The following CTNND2 variants were observed in gnomAD, a reference collection of about 807,000 sequenced individuals.
CTNND2 encodes catenin delta-2.
CTNND2 carries 22 observed loss-of-function variants against 144.4 expected under a neutral mutation model. The ratio of observed to expected loss-of-function variants is 0.15; its 90% confidence interval spans 0.11 to 0.22. CTNND2 has a LOEUF of 0.22. Among genes scored for constraint, CTNND2 ranks in the 10% least tolerant of loss-of-function variants. CTNND2 has a pLI of 1.00. For synonymous variants in CTNND2, 751 were observed against 695.6 expected (o/e 1.08, Z -1.25); for missense variants, 1,353 against 1,618.8 (o/e 0.84, Z 2.82).
chr5:11,100,100 G>T (rs925185548), intron 14 of CTNND2, among the ~76,000 whole-genome samples: 2 of 152,038 alleles, frequency 1.3e-5, no homozygotes, highest in African/African-American at 2.4e-5. Context: ...TTTTATCCTT[G>T]CAACATAAAA....
chr5:11,136,911 C>A (rs1756209506), intron 12 of CTNND2, among the ~76,000 whole-genome samples: 1 of 152,208 alleles, frequency 6.6e-6, no homozygotes, highest in South Asian at 2.1e-4. Flanking sequence ...TTCCCTGATC[C>A]CCTGACCAGG....
At chr5:11,797,581 C>T (rs987261458) in intron 1 of CTNND2, among the ~76,000 whole-genome samples, 3 of 152,134 alleles carry the variant, frequency 2.0e-5, no homozygotes, top group Non-Finnish European at 4.4e-5. Context: ...AAGCTCCCAT[C>T]GTCCTCATTA....
intron 20 of CTNND2, among the ~76,000 whole-genome samples, chr5:10,982,470 C>G (rs1435378394): frequency 6.6e-6 from 1 of 152,232 alleles, no homozygotes; most frequent in East Asian, 1.9e-4. Flanking sequence ...TTGCCAGCAG[C>G]TTCTGAAGGC....
chr5:11,051,650 A>G (rs1308160137), intron 16 of CTNND2, among the ~76,000 whole-genome samples: 13 of 152,204 alleles, frequency 8.5e-5, no homozygotes, highest in Admixed American at 8.5e-4. Flanking sequence ...CATTTCCTCT[A>G]ATTTTTAGAA....
At chr5:11,239,032 G>A (rs62338524) in intron 9 of CTNND2, among the ~76,000 whole-genome samples, 27 of 152,300 alleles carry the variant, frequency 1.8e-4, no homozygotes, top group East Asian at 1.7e-3. Context: ...AAATTAATTC[G>A]AAATCTACTA....
At chr5:11,193,270 T>A (rs1227561013) in intron 11 of CTNND2, among the ~76,000 whole-genome samples, 1 of 152,238 alleles carries the variant, frequency 6.6e-6, no homozygotes, top group Non-Finnish European at 1.5e-5. Flanking sequence ...TCTTTGACTT[T>A]AATTCCTTTG....
chr5:11,437,559 G>A (rs1763879316), intron 3 of CTNND2, among the ~76,000 whole-genome samples: 1 of 152,200 alleles, frequency 6.6e-6, no homozygotes, highest in Non-Finnish European at 1.5e-5. Context: ...ACTGAGGGGA[G>A]TAAATAAGGG....
At chr5:11,472,910 C>T (rs984517326) in intron 3 of CTNND2, among the ~76,000 whole-genome samples, 6 of 152,068 alleles carry the variant, frequency 3.9e-5, no homozygotes, top group Non-Finnish European at 7.4e-5. Flanking sequence ...AGCAGTGTCA[C>T]CTGTCTTCAA....
At chr5:11,113,459 G>A (rs886673294) in intron 13 of CTNND2, among the ~76,000 whole-genome samples, 1 of 152,084 alleles carries the variant, frequency 6.6e-6, no homozygotes, top group Admixed American at 6.5e-5. Flanking sequence ...AGACAGTATG[G>A]CCCGCAACAC....
intron 3 of CTNND2, among the ~76,000 whole-genome samples, chr5:11,427,714 T>A (rs985867742): frequency 1.3e-5 from 2 of 152,136 alleles, no homozygotes; most frequent in Admixed American, 6.5e-5. Context: ...CAGGCACACA[T>A]AGGATATCAA....
intron 13 of CTNND2, among the ~76,000 whole-genome samples, chr5:11,116,156 A>T (rs1181595487): frequency 6.6e-6 from 1 of 152,180 alleles, no homozygotes; most frequent in Admixed American, 6.5e-5. Context: ...GTGCAGATGT[A>T]TTTACATGAA....
chr5:11,380,536 A>G (rs1473090557), intron 7 of CTNND2, among the ~76,000 whole-genome samples: 1 of 152,168 alleles, frequency 6.6e-6, no homozygotes, highest in Non-Finnish European at 1.5e-5. Context: ...TTGGCTTTCC[A>G]CTCAGGTAGC....
At chr5:11,432,436 A>C (rs1318495800) in intron 3 of CTNND2, among the ~76,000 whole-genome samples, 1 of 152,186 alleles carries the variant, frequency 6.6e-6, no homozygotes. Context: ...GCCGATTTCT[A>C]ACATGAGATA....
chr5:11,852,876 T>C (rs958068867), intron 1 of CTNND2, among the ~76,000 whole-genome samples: 8 of 152,220 alleles, frequency 5.3e-5, no homozygotes, highest in Admixed American at 2.6e-4. Flanking sequence ...TGCCCTTATG[T>C]GTGCACTTTA....
chr5:11,175,291 A>T (rs545758404), intron 11 of CTNND2, among the ~76,000 whole-genome samples: 24 of 152,194 alleles, frequency 1.6e-4, no homozygotes, highest in Non-Finnish European at 2.8e-4. Flanking sequence ...ATTTTCTATG[A>T]TTATAAAATA....
chr5:11,231,677 C>T (rs956148388), intron 10 of CTNND2, among the ~76,000 whole-genome samples: 1 of 152,042 alleles, frequency 6.6e-6, no homozygotes, highest in Non-Finnish European at 1.5e-5. Context: ...ATTTGAGGCC[C>T]GATAATGTGA....
chr5:11,088,043 T>C (rs981003464), intron 15 of CTNND2, among the ~76,000 whole-genome samples: 24 of 152,356 alleles, frequency 1.6e-4, no homozygotes, highest in Admixed American at 4.6e-4. Flanking sequence ...ATTAAAAAAT[T>C]TCTTTAAAAA....
intron 15 of CTNND2, among the ~76,000 whole-genome samples, chr5:11,084,817 A>C (rs1188597397): frequency 6.6e-6 from 1 of 152,096 alleles, no homozygotes; most frequent in African/African-American, 2.4e-5. Flanking sequence ...AGGCACAAAG[A>C]TATTCAATAA....
At chr5:11,057,066 C>T (rs1561235510) in intron 16 of CTNND2, among the ~76,000 whole-genome samples, 1 of 152,214 alleles carries the variant, frequency 6.6e-6, no homozygotes, top group African/African-American at 2.4e-5. Flanking sequence ...TTGATCTGCA[C>T]TATAGAAAAT....
Sources: gnomAD v4.1 joint callset for allele counts (sites outside exome capture counted in the v4.1 genomes callset) on GRCh38, gnomAD v4.1.1 for gene constraint, MANE v1.5 for transcripts, NCBI Gene and HGNC (gene_info 2026-07-23, HGNC 2026-07-21) for gene names.